Variants in TNNI3K observed in about 807,000 individuals in gnomAD.
The protein encoded by TNNI3K is TNNI3 interacting kinase.
TNNI3K carries 140 observed loss-of-function variants against 114.5 expected under a neutral mutation model. The ratio of observed to expected loss-of-function variants is 1.22; its 90% CI spans 1.07 to 1.41. TNNI3K has a LOEUF of 1.41. TNNI3K is among the 40% of genes most tolerant of loss of function. The pLI, the probability that TNNI3K is intolerant of heterozygous loss-of-function variation, is 0.00. For missense variants in TNNI3K, 1,125 were observed against 1,007.6 expected (o/e 1.12, Z -1.58); for synonymous variants, 347 against 347.5 (o/e 1.00, Z 0.02).
At chr1:74,464,748 T>C (rs1271798358) in intron 21 of TNNI3K, 1 of 1,567,422 alleles carries the variant, frequency 6.4e-7, no homozygotes, top group Admixed American at 1.9e-5. Context: ...GATAACCTCT[T>C]ATCCTGGCCA....
At chr1:74,248,708 C>G (rs1557447790) in intron 2 of TNNI3K, among the ~76,000 whole-genome samples, 1 of 152,156 alleles carries the variant, frequency 6.6e-6, no homozygotes, top group Admixed American at 6.5e-5. Context: ...CTGACCTTCT[C>G]CTGTCCTCTT....
At chr1:74,471,199 A>AG (rs1011562092) in intron 21 of TNNI3K, 22 of 400,572 alleles carry the variant, frequency 5.5e-5, no homozygotes, top group Admixed American at 1.3e-4. Flanking sequence ...AGCACTGAGC[A>AG]GGGGGGCACG....
At chr1:74,348,204 C>T (rs938189480) in intron 9 of TNNI3K, among the ~76,000 whole-genome samples, 6 of 152,154 alleles carry the variant, frequency 3.9e-5, no homozygotes, top group Non-Finnish European at 7.3e-5. Context: ...CCAGTTTCAC[C>T]TTTCTACATG....
At chr1:74,398,373 G>A (rs970026422) in intron 17 of TNNI3K, among the ~76,000 whole-genome samples, 16 of 152,244 alleles carry the variant, frequency 1.1e-4, no homozygotes, top group South Asian at 4.2e-4. Flanking sequence ...CCCAGGCCAC[G>A]TGTGATGCAA....
In TNNI3K at chr1:74,258,955, A is replaced by G. The variant is rs184195992; in HGVS notation, c.333+8186A>G. 1.8e-3 allele frequency among the ~76,000 whole-genome samples: 268 copies of G among 152,354 alleles called. 1 individual carries two copies. The highest frequency in any genetic ancestry group is 2.9e-3 in the Non-Finnish European group (197 of 68,030). On this transcript the variant is annotated intron_variant, in intron 4 of 24. Transcript: ENST00000326637. The stretch of plus-strand genomic sequence containing the variant: ...TTTGATGTAAACAATCTAGGTCTAC[A>G]TATTGTGGATTACTGTTCAAGCGTG...
chr1:74,301,221 G>A (rs1055142155), intron 5 of TNNI3K, among the ~76,000 whole-genome samples: 3 of 152,082 alleles, frequency 2.0e-5, no homozygotes, highest in Non-Finnish European at 4.4e-5. Context: ...CCAACATGGT[G>A]AAACCCTGTC....
chr1:74,353,180 G>T, intron 9 of TNNI3K, 86 bp from the exon 10 acceptor site: 1 of 1,366,342 alleles, frequency 7.3e-7, no homozygotes, highest in Admixed American at 2.2e-5. Flanking sequence ...TTCAGCATAT[G>T]ATTTTTCGAG....
At chr1:74,377,604 CAT>C (rs1662972761) in intron 17 of TNNI3K, among the ~76,000 whole-genome samples, 1 of 151,914 alleles carries the variant, frequency 6.6e-6, no homozygotes, top group Non-Finnish European at 1.5e-5. Context: ...GAGAAGGATT[CAT>C]ATATATGTGT....
At chr1:74,458,683 A>G (rs1667326615) in intron 20 of TNNI3K, among the ~76,000 whole-genome samples, 1 of 152,216 alleles carries the variant, frequency 6.6e-6, no homozygotes, top group Non-Finnish European at 1.5e-5. Flanking sequence ...TATTCAATAA[A>G]TGTTACTGAG....
At chr1:74,300,163 C>T (rs1658235305) in intron 5 of TNNI3K, among the ~76,000 whole-genome samples, 1 of 152,088 alleles carries the variant, frequency 6.6e-6, no homozygotes, top group African/African-American at 2.4e-5. Context: ...ACACACTGGA[C>T]ATTTAGGGAC....
chr1:74,316,271 G>C (rs1386705061), intron 5 of TNNI3K, among the ~76,000 whole-genome samples: 2 of 152,176 alleles, frequency 1.3e-5, no homozygotes, highest in African/African-American at 4.8e-5. Context: ...GCCTAAAAGA[G>C]GGTAACTTGA....
intron 7 of TNNI3K, among the ~76,000 whole-genome samples, chr1:74,341,025 G>A (rs1660722274): frequency 6.6e-6 from 1 of 152,166 alleles, no homozygotes; most frequent in Admixed American, 6.6e-5. Context: ...ACAATAAAAT[G>A]AGGATGATTG....
chr1:74,333,326 T>G (rs1027492962), intron 6 of TNNI3K, among the ~76,000 whole-genome samples: 1 of 152,218 alleles, frequency 6.6e-6, no homozygotes, highest in Non-Finnish European at 1.5e-5. Flanking sequence ...AATGAAGAGC[T>G]GGGCACTGAA....
Position 74,369,393 on chromosome 1 carries a change from A to T in TNNI3K, c.1475A>T (p.Tyr492Phe). 2 of 1,608,292 alleles carry T rather than the reference A, an allele frequency of 1.2e-6. No homozygotes were observed. Among genetic ancestry groups the T allele is most frequent in the Non-Finnish European group, 1.7e-6 (2 of 1,177,216 alleles). ...CRNKIVAIKR[Y>F]RANTYCSKSD... Reference sequence around the variant, plus strand: ...TTTTCTGTTGCTGCCATTTCCAGTTATCGAGCCAATACCTACTGCTCCAAG... The same window carrying T: ...TTTTCTGTTGCTGCCATTTCCAGTTTTCGAGCCAATACCTACTGCTCCAAG... Residue 492 changes from tyrosine (Y) to phenylalanine (F), a missense_variant and splice_region_variant, in exon 16 of 25, where the codon TAT (tyrosine) becomes TTT (phenylalanine). Transcript: ENST00000326637.
intron 7 of TNNI3K, 79 bp from the exon 8 acceptor site, chr1:74,342,763 G>T (rs1031559926): frequency 3.9e-6 from 6 of 1,542,416 alleles, no homozygotes; most frequent in Admixed American, 1.8e-5. Context: ...ACTTAGAAAT[G>T]TCCATGATAC....
At chr1:74,266,292 G>A (rs1366686895) in intron 4 of TNNI3K, among the ~76,000 whole-genome samples, 2 of 152,012 alleles carry the variant, frequency 1.3e-5, no homozygotes. Flanking sequence ...CATGTGCGAT[G>A]TACCTTCTCC....
At chr1:74,456,694 CAA>C (rs1172549866) in intron 20 of TNNI3K, among the ~76,000 whole-genome samples, 3 of 152,168 alleles carry the variant, frequency 2.0e-5, no homozygotes. Context: ...AGCTGGTTCA[CAA>C]AGAGATTTAA....
chr1:74,437,828 C>T (rs1055503279), intron 19 of TNNI3K, among the ~76,000 whole-genome samples: 2 of 151,734 alleles, frequency 1.3e-5, no homozygotes, highest in South Asian at 2.1e-4. Context: ...CGAATCTGAT[C>T]CCCAGAAATT....
At chr1:74,394,075 A>G (rs966758377) in intron 17 of TNNI3K, among the ~76,000 whole-genome samples, 2 of 152,234 alleles carry the variant, frequency 1.3e-5, no homozygotes, top group African/African-American at 4.8e-5. Context: ...GGTAAACCGT[A>G]TGAAACTGCC....
Sources: allele counts gnomAD v4.1 joint callset (sites outside exome capture counted in the v4.1 genomes callset), GRCh38; gene constraint gnomAD v4.1.1; transcripts MANE v1.5; gene names NCBI Gene and HGNC (gene_info 2026-07-23, HGNC 2026-07-21).